The following SFXN5 variants were observed in gnomAD, a reference collection of about 807,000 sequenced individuals.
SFXN5 encodes sideroflexin 5.
Under a neutral mutation model 50.2 loss-of-function variants are expected in SFXN5, and 43 were observed. The observed-to-expected ratio is 0.86, with a 90% CI of 0.67 to 1.11. The LOEUF (loss-of-function observed/expected upper bound fraction) is 1.11, where lower values mean the gene tolerates loss of function less well. Ranked by LOEUF, SFXN5 falls within the 50% of genes least tolerant of loss-of-function variation. The probability of loss-of-function intolerance (pLI) is 0.00; values close to 1 mark genes in which losing one functional copy is unlikely to be tolerated. For missense variants in SFXN5, 463 were observed against 454.1 expected (o/e 1.02, Z -0.18); for synonymous variants, 203 against 185.8 (o/e 1.09, Z -0.75).
At chr2:72,968,839 G>A (rs1464435792) in intron 11 of SFXN5, among the ~76,000 whole-genome samples, 1 of 146,152 alleles carries the variant, frequency 6.8e-6, no homozygotes, top group Admixed American at 7.0e-5. Context: ...GTCTTGCTCT[G>A]TCCCCCAGGC....
chr2:72,970,473 G>A (rs1012956510), intron 11 of SFXN5, among the ~76,000 whole-genome samples: 1 of 152,184 alleles, frequency 6.6e-6, no homozygotes, highest in South Asian at 2.1e-4. Flanking sequence ...AAGACCTCAT[G>A]ACTGGGGTAA....
At chr2:73,058,979 G>A in intron 1 of SFXN5, 1 of 857,370 alleles carries the variant, frequency 1.2e-6, no homozygotes, top group Admixed American at 5.3e-5. Context: ...CCTTGCTCAG[G>A]ACCTTGAGTG....
chr2:73,034,766 C>A (rs563874364), intron 3 of SFXN5, among the ~76,000 whole-genome samples: 1 of 152,318 alleles, frequency 6.6e-6, no homozygotes, highest in East Asian at 1.9e-4. Context: ...TCTGGCACTG[C>A]CACTGACTGA....
intron 3 of SFXN5, among the ~76,000 whole-genome samples, chr2:73,037,190 G>A (rs539165226): frequency 6.6e-6 from 1 of 152,330 alleles, no homozygotes; most frequent in East Asian, 1.9e-4. Flanking sequence ...CACCAGCCCT[G>A]TCAGCCCTCA....
chr2:72,961,023 C>T lies in SFXN5; in HGVS notation c.945+108G>A. The T allele has an allele frequency of 2.6e-6, 2 of 757,012 alleles. No homozygotes were observed. The highest frequency in any genetic ancestry group is 3.9e-6 in the Non-Finnish European group (2 of 511,016). 46.9% of individuals were successfully genotyped at this position (757,012 alleles called of 1,614,324 possible). A position where few individuals can be genotyped will look rare whatever the true frequency, so the allele number is the denominator to read the frequency against. The stretch of plus-strand genomic sequence containing the variant: ...GCCAGCCTCATTCACGGTTCCAGCC[C>T]CAGCGCCTAGCATGGCGCTAAGGAG... On this transcript the variant is annotated intron_variant, in intron 13 of 13. Transcript: ENST00000272433. The surrounding 1 kb of genome is among the most constrained non-coding windows in gnomAD (Gnocchi z 4.4).
chr2:72,958,808 G>A (rs1157899153), intron 13 of SFXN5, among the ~76,000 whole-genome samples: 1 of 152,142 alleles, frequency 6.6e-6, no homozygotes, highest in Non-Finnish European at 1.5e-5. Flanking sequence ...GAGCATCCCA[G>A]CACCCATGAC....
At chr2:72,949,200 G>A (rs1672267065) in intron 13 of SFXN5, among the ~76,000 whole-genome samples, 1 of 152,224 alleles carries the variant, frequency 6.6e-6, no homozygotes, top group Non-Finnish European at 1.5e-5. Flanking sequence ...AATGTGGCAG[G>A]AAATGGAGGT....
At chr2:73,010,938 ATAAAC>A (rs1675427761) in intron 6 of SFXN5, among the ~76,000 whole-genome samples, 1 of 152,268 alleles carries the variant, frequency 6.6e-6, no homozygotes, top group African/African-American at 2.4e-5. Flanking sequence ...AGGAAAATAA[ATAAAC>A]TAAGCATTCA....
intron 6 of SFXN5, among the ~76,000 whole-genome samples, 174 bp from the exon 7 acceptor site, chr2:73,001,752 C>A (rs550769928): frequency 6.6e-6 from 1 of 151,962 alleles, no homozygotes; most frequent in Non-Finnish European, 1.5e-5. Flanking sequence ...TGGGAAAAAA[C>A]CAAGTTGCAG....
intron 13 of SFXN5, among the ~76,000 whole-genome samples, chr2:72,958,677 G>A (rs1278369750): frequency 2.7e-5 from 4 of 146,680 alleles, no homozygotes; most frequent in African/African-American, 1.0e-4. Context: ...CTGGGACAGG[G>A]ATGTCAGAGA....
intron 12 of SFXN5, among the ~76,000 whole-genome samples, chr2:72,964,591 A>G (rs1199401379): frequency 6.6e-6 from 1 of 152,216 alleles, no homozygotes; most frequent in Non-Finnish European, 1.5e-5. Context: ...ACTCTGCTAC[A>G]CTGCCCTGCC....
In SFXN5 at chr2:72,943,483, C is replaced by G. The variant is rs928824696; in HGVS notation, c.*1539G>C. 1 of 152,816 alleles carries G rather than the reference C, an allele frequency of 6.5e-6. No homozygotes were observed. The highest frequency in any genetic ancestry group is 1.9e-4 in the East Asian group (1 of 5,188). 9.5% of individuals were successfully genotyped at this position (152,816 alleles called of 1,614,324 possible). On this transcript the variant is annotated 3_prime_UTR_variant, in exon 14 of 14. Coordinates refer to ENST00000272433, the MANE Select transcript of SFXN5 (RefSeq NM_144579.3). ...CTTTCAGATGAGGGGTCACCCTGCT[C>G]ACACCCACCCCAGGCTCTGCTTCCC...
Position 73,058,509 on chromosome 2 carries a change from G to T in SFXN5, c.171+19C>A. On this transcript the variant is annotated intron_variant, in intron 2 of 13. Coordinates refer to ENST00000272433, the MANE Select transcript of SFXN5 (RefSeq NM_144579.3). ...GGTACAAAGGCCCAAGGGCCACTGA[G>T]GTGACAGCCATGACTTACCTCAGTG... 2 of 1,612,830 alleles carry T rather than the reference G, an allele frequency of 1.2e-6. No individual in the cohort carries two copies. Among genetic ancestry groups the T allele is most frequent in the Non-Finnish European group, 1.7e-6 (2 of 1,178,826 alleles).
At chr2:73,060,960 C>T (rs905825435) in intron 1 of SFXN5, among the ~76,000 whole-genome samples, 1 of 151,754 alleles carries the variant, frequency 6.6e-6, no homozygotes, top group Admixed American at 6.5e-5. Flanking sequence ...CTCGGCCTCC[C>T]GAAGTGCTGG....
intron 10 of SFXN5, among the ~76,000 whole-genome samples, chr2:72,987,704 G>A (rs567833255): frequency 4.6e-5 from 7 of 152,152 alleles, no homozygotes; most frequent in African/African-American, 1.2e-4. Context: ...GCAGTGAGCC[G>A]AGATTGCACC....
At chr2:72,957,466 T>C (rs1345661925) in intron 13 of SFXN5, among the ~76,000 whole-genome samples, 1 of 152,174 alleles carries the variant, frequency 6.6e-6, no homozygotes, top group African/African-American at 2.4e-5. Context: ...GGTTAGTGAG[T>C]TGGAAACTCC....
intron 12 of SFXN5, among the ~76,000 whole-genome samples, chr2:72,967,480 C>A (rs892980842): frequency 6.6e-6 from 1 of 152,134 alleles, no homozygotes; most frequent in Non-Finnish European, 1.5e-5. Context: ...GGGTGGCATT[C>A]GGGCAGAGGC....
chr2:72,988,695 A>G (rs1234956209), intron 9 of SFXN5, among the ~76,000 whole-genome samples: 1 of 152,180 alleles, frequency 6.6e-6, no homozygotes, highest in Non-Finnish European at 1.5e-5. Flanking sequence ...AGTTGCTCGT[A>G]GAAGAATACA....
Position 73,058,514 on chromosome 2 carries a change from C to G in SFXN5, c.171+14G>C. On this transcript the variant is annotated intron_variant, in intron 2 of 13. Coordinates refer to ENST00000272433, the MANE Select transcript of SFXN5 (RefSeq NM_144579.3). ...AAAGGCCCAAGGGCCACTGAGGTGACAGCCATGACTTACCTCAGTGACAAA... is the reference window on the plus strand; with the variant it reads ...AAAGGCCCAAGGGCCACTGAGGTGAGAGCCATGACTTACCTCAGTGACAAA... 6.2e-7 allele frequency: 1 copy of G among 1,612,892 alleles called. No individual in the cohort carries two copies. Among genetic ancestry groups the G allele is most frequent in the Non-Finnish European group, 8.5e-7 (1 of 1,178,890 alleles).
Sources: gnomAD v4.1 joint callset for allele counts (sites outside exome capture counted in the v4.1 genomes callset) on GRCh38, gnomAD v4.1.1 for gene constraint, Gnocchi (gnomAD v3.1) non-coding constraint, MANE v1.5 for transcripts, NCBI Gene and HGNC (gene_info 2026-07-23, HGNC 2026-07-21) for gene names.